LYNX1: variants seen among roughly 807,000 people sequenced by gnomAD.
LYNX1 encodes the protein Ly6/neurotoxin 1, also known as ly-6/neurotoxin-like protein 1.
Under a neutral mutation model 8.3 loss-of-function variants are expected in LYNX1, and 8 were observed. That is an observed-to-expected ratio of 0.97 (90% CI 0.57 to 1.74). The LOEUF (loss-of-function observed/expected upper bound fraction) is 1.74, where lower values mean the gene tolerates loss of function less well. LYNX1 is among the 40% of genes most tolerant of loss of function. LYNX1 has a pLI of 0.00. For missense variants in LYNX1, 158 were observed against 159.7 expected, an observed-to-expected ratio of 0.99 and a Z score of 0.06; for synonymous variants, 73 against 67.9, an observed-to-expected ratio of 1.08 and a Z score of -0.37.
chr8:142,777,213 C>CA (rs1815457755), upstream of LYNX1: 1 of 153,606 alleles, frequency 6.5e-6, no homozygotes, highest in African/African-American at 2.4e-5. Flanking sequence ...GTGTGTCCCG[C>CA]AGCACCCGTG....
In LYNX1 at chr8:142,773,977, G is replaced by A. The variant is rs1452760956; in HGVS notation, c.*1190C>T. On this transcript the variant is annotated 3_prime_UTR_variant, in exon 4 of 4. Transcript: ENST00000652477. ...ACCTGCATCGGGGATGGATTGGTGCGTGTTGGGCTGACCCCTGCTTCCCAG... is the reference window on the plus strand; with the variant it reads ...ACCTGCATCGGGGATGGATTGGTGCATGTTGGGCTGACCCCTGCTTCCCAG... The A allele has an allele frequency of 1.3e-5, 13 of 985,230 alleles. No homozygotes were observed. The highest frequency in any genetic ancestry group is 9.4e-5 in the South Asian group (2 of 21,290). 61.0% of individuals were successfully genotyped at this position (985,230 alleles called of 1,614,324 possible). A position where few individuals can be genotyped will look rare whatever the true frequency, so the allele number is the denominator to read the frequency against.
At chr8:142,777,741 G>A (rs1307568645), upstream of LYNX1, 11 of 397,594 alleles carry the variant, frequency 2.8e-5, no homozygotes, top group Non-Finnish European at 4.4e-5. Flanking sequence ...GTGATTCCCT[G>A]GCGACCCTCA....
chr8:142,772,677 T>C lies in LYNX1; in HGVS notation c.*2490A>G. 1 of 985,616 alleles carries C rather than the reference T, an allele frequency of 1.0e-6. No individual in the cohort carries two copies. The highest frequency in any genetic ancestry group is 1.2e-6 in the Non-Finnish European group (1 of 830,048). The allele number at this position is 985,616 out of a possible 1,614,324, so 61.1% of individuals were successfully genotyped here. On this transcript the variant is annotated 3_prime_UTR_variant, in exon 4 of 4. Transcript: ENST00000652477. ...GGGGGGACCCACGTCCATCGCCACC[T>C]TGATGCATACAACCCGGACAAGTTT... is the stretch of plus-strand genomic sequence containing the variant.
Position 142,771,606 on chromosome 8 carries a change from G to A in LYNX1, c.*3561C>T, listed in dbSNP as rs1337224724. 19 of 985,740 alleles carry A rather than the reference G, an allele frequency of 1.9e-5. No individual in the cohort carries two copies. The East Asian group carries it at 9.1e-4, about 47-fold the overall frequency. 61.1% of individuals were successfully genotyped at this position (985,740 alleles called of 1,614,324 possible). ...GCTGGCAGATTCAGGCCCTCCCTGCGAGCTGAGGTTTGAAGAGGAGAGCAG... is the reference window on the plus strand; with the variant it reads ...GCTGGCAGATTCAGGCCCTCCCTGCAAGCTGAGGTTTGAAGAGGAGAGCAG... On this transcript the variant is annotated 3_prime_UTR_variant, in exon 4 of 4. Coordinates refer to ENST00000652477, the MANE Select transcript of LYNX1 (RefSeq NM_177477.4).
chr8:142,775,771 C>T (rs193029110), intron 2 of LYNX1, 77 bp from the exon 3 acceptor site: 72 of 1,538,226 alleles, frequency 4.7e-5, no homozygotes, highest in Non-Finnish European at 5.9e-5. Context: ...CATCAGGCCC[C>T]CAGCCCGTCA....
Position 142,774,710 on chromosome 8 carries a change from TA to T in LYNX1, c.*456del. 1.0e-6 allele frequency: 1 copy of T among 1,003,376 alleles called. No individual in the cohort carries two copies. The highest frequency in any genetic ancestry group is 1.2e-6 in the Non-Finnish European group (1 of 841,070). The allele number at this position is 1,003,376 out of a possible 1,614,324, so 62.2% of individuals were successfully genotyped here. ...TCCTGGCCTCAGTAGGAAGCGTGAC[TA>T]GGCCTGGAGGAGCCTTTCCTCCTAA... On this transcript the variant is annotated 3_prime_UTR_variant, in exon 4 of 4. Coordinates refer to ENST00000652477, the MANE Select transcript of LYNX1 (RefSeq NM_177477.4).
At position 142,773,199 on chromosome 8, in the gene LYNX1, G is replaced by T; in HGVS notation, c.*1968C>A. ...CTCCCGGTAAGCATCCCAAGGCATC[G>T]CTGGCTGCAGCTGAGAGGGCCTCAT... is the stretch of plus-strand genomic sequence containing the variant. On this transcript the variant is annotated 3_prime_UTR_variant, in exon 4 of 4. Transcript: ENST00000652477. 1.0e-6 allele frequency: 1 copy of T among 985,580 alleles called. No individual in the cohort carries two copies. Among genetic ancestry groups the T allele is most frequent in the Non-Finnish European group, 1.2e-6 (1 of 830,036 alleles). 61.1% of individuals were successfully genotyped at this position (985,580 alleles called of 1,614,324 possible). A position where few individuals can be genotyped will look rare whatever the true frequency, so the allele number is the denominator to read the frequency against.
Position 142,774,810 on chromosome 8 carries a change from G to T in LYNX1, c.*357C>A. On this transcript the variant is annotated 3_prime_UTR_variant, in exon 4 of 4. Transcript: ENST00000652477. ...CCCAGCACACCAGGGGCAGACTGAG[G>T]CAGGGGCCTCTCCTAGGGCTTCCCA... The T allele has an allele frequency of 8.9e-7, 1 of 1,124,084 alleles. No homozygotes were observed. The highest frequency in any genetic ancestry group is 1.6e-5 in the African/African-American group (1 of 62,720). The allele number at this position is 1,124,084 out of a possible 1,614,324, so 69.6% of individuals were successfully genotyped here. A position where few individuals can be genotyped will look rare whatever the true frequency, so the allele number is the denominator to read the frequency against.
Position 142,772,030 on chromosome 8 carries a change from C to G in LYNX1, c.*3137G>C, listed in dbSNP as rs1005241918. The G allele has an allele frequency of 1.0e-6, 1 of 985,976 alleles. No homozygotes were observed. The highest frequency in any genetic ancestry group is 1.7e-5 in the African/African-American group (1 of 57,188). The allele number at this position is 985,976 out of a possible 1,614,324, so 61.1% of individuals were successfully genotyped here. ...ACATCCCAGGGTGCCAGAGCCCACC[C>G]AAGCAGCCACTCCTGTCCAGTTCCC... On this transcript the variant is annotated 3_prime_UTR_variant, in exon 4 of 4. Transcript: ENST00000652477.
At position 142,774,969 on chromosome 8, in the gene LYNX1, C is replaced by T; in HGVS notation, c.*198G>A. ...CGGACACTTTTGGGATCCCACACAGCATCGAAAGGTCAAGGCCTCGAAGTG... is the reference window on the plus strand; with the variant it reads ...CGGACACTTTTGGGATCCCACACAGTATCGAAAGGTCAAGGCCTCGAAGTG... On this transcript the variant is annotated 3_prime_UTR_variant, in exon 4 of 4. Transcript: ENST00000652477. 7.0e-7 allele frequency: 1 copy of T among 1,430,074 alleles called. No homozygotes were observed. Among genetic ancestry groups the T allele is most frequent in the African/African-American group, 1.4e-5 (1 of 69,738 alleles). The allele number at this position is 1,430,074 out of a possible 1,614,324, so 88.6% of individuals were successfully genotyped here.
rs1014110764 is a variant in LYNX1 at position 142,774,058 on chromosome 8, C to A, written c.*1109G>T. On this transcript the variant is annotated 3_prime_UTR_variant, in exon 4 of 4. Transcript: ENST00000652477. ...ACCCAGCTGGGGCTTCCACCCTGCC[C>A]TCCCAGTGGGTGCATCCCCAGGTGG... 35 of 985,506 alleles carry A rather than the reference C, an allele frequency of 3.6e-5. No homozygotes were observed. The African/African-American group carries it at 5.9e-4, about 17-fold the overall frequency. The allele number at this position is 985,506 out of a possible 1,614,324, so 61.0% of individuals were successfully genotyped here. A position where few individuals can be genotyped will look rare whatever the true frequency, so the allele number is the denominator to read the frequency against.
In LYNX1 at chr8:142,772,996, TG is replaced by T; in HGVS notation, c.*2170del. ...CTTGTTCTCAGCTGCCCCTGAGCCA[TG>T]GGTGGCCAGGTCTCCTCCCCATCAC... On this transcript the variant is annotated 3_prime_UTR_variant, in exon 4 of 4. Coordinates refer to ENST00000652477, the MANE Select transcript of LYNX1 (RefSeq NM_177477.4). The T allele has an allele frequency of 2.0e-6, 2 of 985,524 alleles. No individual in the cohort carries two copies. Among genetic ancestry groups the T allele is most frequent in the Non-Finnish European group, 2.4e-6 (2 of 830,034 alleles). 61.0% of individuals were successfully genotyped at this position (985,524 alleles called of 1,614,324 possible). A position where few individuals can be genotyped will look rare whatever the true frequency, so the allele number is the denominator to read the frequency against.
rs1477414642 is a variant in LYNX1 at position 142,771,495 on chromosome 8, G to A, written c.*3672C>T. 16 of 985,290 alleles carry A rather than the reference G, an allele frequency of 1.6e-5. No homozygotes were observed. The highest frequency in any genetic ancestry group is 6.1e-5 in the Admixed American group (1 of 16,266). 61.0% of individuals were successfully genotyped at this position (985,290 alleles called of 1,614,324 possible). A position where few individuals can be genotyped will look rare whatever the true frequency, so the allele number is the denominator to read the frequency against. On this transcript the variant is annotated 3_prime_UTR_variant, in exon 4 of 4. Coordinates refer to ENST00000652477, the MANE Select transcript of LYNX1 (RefSeq NM_177477.4). ...CAGGGAGGACCCCCGTGTGTCTCTCGGGCTGCCCAGGTGGCTCTGTCCACC... is the reference window on the plus strand; with the variant it reads ...CAGGGAGGACCCCCGTGTGTCTCTCAGGCTGCCCAGGTGGCTCTGTCCACC...
Position 142,775,927 on chromosome 8 carries a change from C to A in LYNX1, c.31G>T (p.Val11Phe). MTPLLTLILV[V>F]LMGLPLAQAL... ...TTACCCAGAGGTAAGCCCATGAGGACCACCAGGATCAGGGTGAGCAGGGGC... is the reference window on the plus strand; with the variant it reads ...TTACCCAGAGGTAAGCCCATGAGGAACACCAGGATCAGGGTGAGCAGGGGC... The change falls in exon 2 of 4, where the codon GTC becomes TTC. Residue 11 changes from valine to phenylalanine, a missense_variant. Transcript: ENST00000652477. The A allele has an allele frequency of 6.2e-7, 1 of 1,614,138 alleles. No homozygotes were observed. Among genetic ancestry groups the A allele is most frequent in the Non-Finnish European group, 8.5e-7 (1 of 1,180,008 alleles).
At position 142,772,306 on chromosome 8, in the gene LYNX1, G is replaced by A; in HGVS notation, c.*2861C>T. 2 of 985,850 alleles carry A rather than the reference G, an allele frequency of 2.0e-6. No homozygotes were observed. The highest frequency in any genetic ancestry group is 2.4e-6 in the Non-Finnish European group (2 of 830,014). The allele number at this position is 985,850 out of a possible 1,614,324, so 61.1% of individuals were successfully genotyped here. A position where few individuals can be genotyped will look rare whatever the true frequency, so the allele number is the denominator to read the frequency against. ...GGGAACTGGGCCCCCATGGTGCCCA[G>A]TGCCTCTCCCCCTCTCCTCTGCCAC... is the stretch of plus-strand genomic sequence containing the variant. On this transcript the variant is annotated 3_prime_UTR_variant, in exon 4 of 4. Transcript: ENST00000652477.
chr8:142,777,506 AGCCG>A (rs1815477641), upstream of LYNX1, among the ~76,000 whole-genome samples: 5 of 91,368 alleles, frequency 5.5e-5, no homozygotes, highest in African/African-American at 2.5e-4. Flanking sequence ...GCACCCGCCG[AGCCG>A]AGTTCACCGC....
At position 142,775,989 on chromosome 8, in the gene LYNX1, G is replaced by A; in HGVS notation, c.-32C>T. On this transcript the variant is annotated 5_prime_UTR_variant, in exon 2 of 4. Transcript: ENST00000652477. ...AGGCAGGAGGGCAGCGTGGGAGTGGGGAGGTCAACAGCAGCTAGCCCTGGA... is the reference window on the plus strand; with the variant it reads ...AGGCAGGAGGGCAGCGTGGGAGTGGAGAGGTCAACAGCAGCTAGCCCTGGA... The A allele has an allele frequency of 1.9e-6, 3 of 1,612,788 alleles. No homozygotes were observed. Among genetic ancestry groups the A allele is most frequent in the South Asian group, 1.1e-5 (1 of 90,936 alleles).
At position 142,772,914 on chromosome 8, in the gene LYNX1, G is replaced by C; in HGVS notation, c.*2253C>G. ...GGACAGAAGGAGGCAGGAGGCAGGTGTGAGAAGCTGCCCACCCCACCCCTC... is the reference window on the plus strand; with the variant it reads ...GGACAGAAGGAGGCAGGAGGCAGGTCTGAGAAGCTGCCCACCCCACCCCTC... On this transcript the variant is annotated 3_prime_UTR_variant, in exon 4 of 4. Coordinates refer to ENST00000652477, the MANE Select transcript of LYNX1 (RefSeq NM_177477.4). 1 of 985,872 alleles carries C rather than the reference G, an allele frequency of 1.0e-6. No individual in the cohort carries two copies. The highest frequency in any genetic ancestry group is 1.2e-6 in the Non-Finnish European group (1 of 830,294). The allele number at this position is 985,872 out of a possible 1,614,324, so 61.1% of individuals were successfully genotyped here. A position where few individuals can be genotyped will look rare whatever the true frequency, so the allele number is the denominator to read the frequency against.
Position 142,772,205 on chromosome 8 carries a change from A to G in LYNX1, c.*2962T>C. The G allele has an allele frequency of 2.0e-6, 2 of 986,004 alleles. No homozygotes were observed. Among genetic ancestry groups the G allele is most frequent in the Non-Finnish European group, 2.4e-6 (2 of 830,010 alleles). The allele number at this position is 986,004 out of a possible 1,614,324, so 61.1% of individuals were successfully genotyped here. A position where few individuals can be genotyped will look rare whatever the true frequency, so the allele number is the denominator to read the frequency against. The stretch of plus-strand genomic sequence containing the variant: ...ATGTCCAGGACTCAGGTCCACACAG[A>G]CAGTGGCAACAGCTAGCCCTGGGCA... On this transcript the variant is annotated 3_prime_UTR_variant, in exon 4 of 4. Transcript: ENST00000652477.
Sources: gnomAD v4.1 joint callset for allele counts (sites outside exome capture counted in the v4.1 genomes callset) on GRCh38, gnomAD v4.1.1 for gene constraint, MANE v1.5 for transcripts, NCBI Gene and HGNC (gene_info 2026-07-23, HGNC 2026-07-21) for gene names.